The following NEB variants were observed in gnomAD, a reference collection of about 807,000 sequenced individuals.
NEB encodes nemaline myopathy type 2.
A neutral mutation model predicts 952.2 loss-of-function variants in NEB; 512 were observed. The ratio of observed to expected loss-of-function variants is 0.54; its 90% confidence interval spans 0.50 to 0.58. The LOEUF (loss-of-function observed/expected upper bound fraction) is 0.58, where lower values mean the gene tolerates loss of function less well. Among genes scored for constraint, NEB ranks in the 20% least tolerant of loss-of-function variants. The pLI is 0.00. For synonymous variants in NEB, 2,900 were observed against 3,149.8 expected (o/e 0.92, Z 2.66); for missense variants, 8,428 against 9,231.1 (o/e 0.91, Z 3.56).
At chr2:151,616,321 C>CA (rs1246639765) in intron 75 of NEB, among the ~76,000 whole-genome samples, 2 of 151,140 alleles carry the variant, frequency 1.3e-5, no homozygotes, top group African/African-American at 2.4e-5. Flanking sequence ...TAAATTTCAA[C>CA]AAAAAAATGT....
intron 81 of NEB, among the ~76,000 whole-genome samples, chr2:151,609,301 C>T (rs952289538): frequency 3.7e-4 from 56 of 151,988 alleles, no homozygotes; most frequent in Non-Finnish European, 1.5e-4. Flanking sequence ...CGAGATTGTA[C>T]TTCCAAAAAA....
At chr2:151,667,949 A>C (rs369913099) in intron 39 of NEB, 38 bp from the exon 40 acceptor site, 13 of 1,520,192 alleles carry the variant, frequency 8.6e-6, no homozygotes, top group African/African-American at 1.4e-5. Flanking sequence ...ATTTGACATC[A>C]TTAAAAGAGG....
chr2:151,541,861 C>T (rs970129289), intron 135 of NEB, among the ~76,000 whole-genome samples: 2 of 152,136 alleles, frequency 1.3e-5, no homozygotes, highest in Non-Finnish European at 2.9e-5. Context: ...CTGTATCTTC[C>T]ACCCTTCCTG....
intron 153 of NEB, among the ~76,000 whole-genome samples, chr2:151,521,008 ACT>A (rs1427096488): frequency 1.3e-5 from 2 of 152,106 alleles, no homozygotes; most frequent in African/African-American, 4.8e-5. Flanking sequence ...CTAGTTATTC[ACT>A]CTAGGAGGAA....
Position 151,672,639 on chromosome 2 carries a change from A to T in NEB, c.4029T>A (p.His1343Gln), listed in dbSNP as rs758866056. 2.5e-6 allele frequency: 4 copies of T among 1,613,924 alleles called. No homozygotes were observed. Among genetic ancestry groups the T allele is most frequent in the East Asian group, 2.2e-5 (1 of 44,886 alleles). Residue 1343 changes from histidine (H) to glutamine (Q), a missense_variant, in exon 37 of 182, where the codon CAT (histidine) becomes CAA (glutamine). By Grantham distance (24) the His-to-Gln change is conservative. Transcript: ENST00000397345. ...CATCCTGGAGGCTTCTGAAACCCACATGCTTTCCCTTTGACTTCTCATAAG... is the reference window on the plus strand; with the variant it reads ...CATCCTGGAGGCTTCTGAAACCCACTTGCTTTCCCTTTGACTTCTCATAAG... Reference protein sequence around the residue: ...KEAYEKSKGKHVGFRSLQDDP... With the variant: ...KEAYEKSKGKQVGFRSLQDDP...
At chr2:151,638,476 G>C (rs1253999553) in intron 63 of NEB, among the ~76,000 whole-genome samples, 1 of 152,176 alleles carries the variant, frequency 6.6e-6, no homozygotes, top group South Asian at 2.1e-4. Context: ...TCCATCTCTG[G>C]GGGTTGGCAC....
chr2:151,724,990 A>G, intron 6 of NEB, 29 bp from the exon 7 acceptor site: 1 of 1,531,928 alleles, frequency 6.5e-7, no homozygotes, highest in Non-Finnish European at 9.0e-7. Flanking sequence ...GTTAGAGTTC[A>G]TGACAGGCAT....
Position 151,666,171 on chromosome 2 carries a change from T to A in NEB, c.4950A>T (p.Arg1650Ser), listed in dbSNP as rs2099214951. 1 of 1,613,934 alleles carries A rather than the reference T, an allele frequency of 6.2e-7. No individual in the cohort carries two copies. The highest frequency in any genetic ancestry group is 8.5e-7 in the Non-Finnish European group (1 of 1,179,858). The stretch of plus-strand genomic sequence containing the variant: ...GGAGAGTGTAGTGGTGGTATGACTG[T>A]CTGTAGTTGGCGTTGGTGGCAACCT... ...SQEVATNANY[R>S]QSYHHYTLLP... Residue 1650 changes from arginine to serine, a missense_variant, in exon 41 of 182, where the codon AGA becomes AGT. Around this residue, in one of 11 missense-constraint regions of NEB, gnomAD observed 2,851 missense variants for 2,791.5 expected, o/e 1.02. Coordinates refer to ENST00000397345, the MANE Select transcript of NEB (RefSeq NM_001164508.2).
chr2:151,678,111 A>G lies in NEB; in HGVS notation c.3332T>C (p.Leu1111Pro). 10 of 1,612,970 alleles carry G rather than the reference A, an allele frequency of 6.2e-6. No individual in the cohort carries two copies. Among genetic ancestry groups the G allele is most frequent in the Non-Finnish European group, 8.5e-6 (10 of 1,178,968 alleles). ...GFQSLQDDPK[L>P]VHYMNVAKIQ... ...CTTGGCCACGTTCATATAATGAACC[A>G]GTTTAGGGTCATCTTGAAGACTTTG... The change falls in exon 33 of 182, where the codon CTG (leucine) becomes CCG (proline). Residue 1111 changes from leucine (L) to proline (P), a missense_variant. By Grantham distance (98) the Leu-to-Pro change is moderately conservative. Coordinates refer to ENST00000397345, the MANE Select transcript of NEB (RefSeq NM_001164508.2).
chr2:151,640,778 TTATA>T, intron 60 of NEB, 112 bp from the exon 61 acceptor site: 1 of 984,074 alleles, frequency 1.0e-6, no homozygotes, highest in Non-Finnish European at 1.5e-6. Flanking sequence ...AATATGTAAA[TTATA>T]TGATAGATGT....
intron 181 of NEB, among the ~76,000 whole-genome samples, chr2:151,488,152 A>G (rs1251923914): frequency 6.6e-6 from 1 of 152,102 alleles, no homozygotes; most frequent in Non-Finnish European, 1.5e-5. Flanking sequence ...CGAGGGGAAT[A>G]ATTTATCAGT....
intron 3 of NEB, among the ~76,000 whole-genome samples, chr2:151,731,965 T>C (rs764295117): frequency 2.0e-5 from 3 of 152,218 alleles, no homozygotes; most frequent in Non-Finnish European, 4.4e-5. Flanking sequence ...AGATTCATTC[T>C]ATTTTTTCCC....
rs560319608 is a variant in NEB at position 151,671,941 on chromosome 2, TAC to T, written c.4299+426_4299+427del. Among the ~76,000 whole-genome samples the T allele has an allele frequency of 1.5e-3, 227 of 151,896 alleles. 1 individual carries two copies. Among genetic ancestry groups the T allele is most frequent in the African/African-American group, 5.2e-3 (217 of 41,482 alleles). On this transcript the variant is annotated intron_variant, in intron 37 of 181. Coordinates refer to ENST00000397345, the MANE Select transcript of NEB (RefSeq NM_001164508.2). ...TCCTGGTTAATTTTAGATGACTCAT[TAC>T]AGAGATTTACATGGATGACATTGTG...
chr2:151,687,639 T>C lies in NEB; in HGVS notation c.2510A>G (p.Lys837Arg), dbSNP rs189623595. The change falls in exon 26 of 182, where the codon AAG becomes AGG. Residue 837 changes from lysine (K) to arginine (R), a missense_variant. By Grantham distance (26) the Lys-to-Arg change is conservative (BLOSUM62 2). Around this residue, in one of 11 missense-constraint regions of NEB, gnomAD observed 2,851 missense variants for 2,791.5 expected, o/e 1.02. Coordinates refer to ENST00000397345, the MANE Select transcript of NEB (RefSeq NM_001164508.2). The stretch of plus-strand genomic sequence containing the variant: ...GGCCACACTCACATCGCTGGTGTTC[T>C]TGGTGTTGGCTTTGGCTGCCAACAG... ...IPLLAAKANT[K>R]NTSDVMYKKD... 956 of 1,612,828 alleles carry C rather than the reference T, an allele frequency of 5.9e-4. 2 individuals are homozygous for C. The highest frequency in any genetic ancestry group is 3.5e-3 in the Middle Eastern group (21 of 6,060).
At position 151,672,423 on chromosome 2, in the gene NEB, T is replaced by G. The variant is rs1054476840; in HGVS notation, c.4245A>C (p.Leu1415=). The G allele has an allele frequency of 3.1e-6, 5 of 1,613,094 alleles. No individual in the cohort carries two copies. In the South Asian group the frequency reaches 5.5e-5, roughly 18 times the overall value. Residue 1415 remains leucine, a synonymous_variant, in exon 37 of 182, where the codon CTA becomes CTC. Transcript: ENST00000397345. ...YKQPLHHYTY[L]PDAMSLEHTR... ...TATGCTCAAGACTCATGGCGTCAGG[T>G]AGGTATGTGTAATGATGCAATGGCT...
At chr2:151,647,823 TC>T (rs1299381410) in intron 54 of NEB, among the ~76,000 whole-genome samples, 8 of 152,324 alleles carry the variant, frequency 5.3e-5, no homozygotes, top group African/African-American at 1.9e-4. Context: ...TTGGATTAAA[TC>T]CTGAGCCAGA....
intron 145 of NEB, chr2:151,530,692 C>T (rs1480362282): frequency 1.5e-5 from 4 of 262,256 alleles, no homozygotes; most frequent in South Asian, 1.3e-4. Flanking sequence ...GTTCCTGTCT[C>T]GTCTACACAA....
intron 80 of NEB, 146 bp downstream of exon 80, chr2:151,610,370 T>A: frequency 1.4e-6 from 1 of 720,604 alleles, no homozygotes; most frequent in Admixed American, 2.8e-5. Flanking sequence ...TTATTCTCTG[T>A]AACAACAAAG....
chr2:151,516,739 G>A (rs564932879), intron 156 of NEB, among the ~76,000 whole-genome samples, 176 bp from the exon 157 acceptor site: 25 of 152,264 alleles, frequency 1.6e-4, no homozygotes, highest in African/African-American at 5.8e-4. Flanking sequence ...TCTAGGTGTT[G>A]AGGGGATGGG....
Sources: gnomAD v4.1 joint callset for allele counts (sites outside exome capture counted in the v4.1 genomes callset) on GRCh38, gnomAD v4.1.1 for gene constraint, gnomAD v4.1.1 regional missense constraint, MANE v1.5 for transcripts, NCBI Gene and HGNC (gene_info 2026-07-23, HGNC 2026-07-21) for gene names.